Variants in RNF115 observed in about 807,000 individuals in gnomAD.
RNF115 encodes ring finger protein 115, also known as E3 ubiquitin-protein ligase RNF115.
A neutral mutation model predicts 39.2 loss-of-function variants in RNF115; 31 were observed. The ratio of observed to expected loss-of-function variants is 0.79; its 90% confidence interval spans 0.59 to 1.07. The LOEUF is 1.07. Among genes scored for constraint, RNF115 ranks in the 50% least tolerant of loss-of-function variants. The pLI, the probability that RNF115 is intolerant of heterozygous loss-of-function variation, is 0.00. For synonymous variants in RNF115, 124 were observed against 131.0 expected (o/e 0.95, Z 0.37); for missense variants, 384 against 381.7 (o/e 1.01, Z -0.05).
intron 4 of RNF115, among the ~76,000 whole-genome samples, chr1:145,756,152 A>G (rs1157273949): frequency 6.6e-6 from 1 of 152,068 alleles, no homozygotes; most frequent in Non-Finnish European, 1.5e-5. Flanking sequence ...TCAGACTATA[A>G]CACTTCTTTG....
At chr1:145,811,910 T>C (rs1268590901) in intron 1 of RNF115, among the ~76,000 whole-genome samples, 41 of 62,836 alleles carry the variant, frequency 6.5e-4, no homozygotes, top group East Asian at 2.4e-3. Context: ...AAAAAAAAAA[T>C]ATATATATAT....
chr1:145,763,515 T>C (rs587670116), intron 4 of RNF115, among the ~76,000 whole-genome samples: 1 of 152,252 alleles, frequency 6.6e-6, no homozygotes, highest in African/African-American at 2.4e-5. Context: ...CTGGCCAACA[T>C]GGCAAAACCC....
In RNF115 at chr1:145,752,939, A is replaced by C. The variant is rs368456265; in HGVS notation, c.500+39T>G. 2.4e-5 allele frequency: 33 copies of C among 1,382,190 alleles called. No individual in the cohort carries two copies. In the African/African-American group the frequency reaches 4.1e-4, roughly 17 times the overall value. 85.6% of individuals were successfully genotyped at this position (1,382,190 alleles called of 1,614,324 possible). ...GAAATGACAGCACCTAAAATATGTCACTCCAATAGAGTAAGATAGAAAACA... is the reference window on the plus strand; with the variant it reads ...GAAATGACAGCACCTAAAATATGTCCCTCCAATAGAGTAAGATAGAAAACA... On this transcript the variant is annotated intron_variant, in intron 5 of 8. Transcript: ENST00000582693.
At chr1:145,761,171 T>C (rs587682777) in intron 4 of RNF115, among the ~76,000 whole-genome samples, 1 of 152,308 alleles carries the variant, frequency 6.6e-6, no homozygotes, top group East Asian at 1.9e-4. Flanking sequence ...AAGCAGAGCA[T>C]AAAAATTTGG....
intron 8 of RNF115, 44 bp downstream of exon 8, chr1:145,747,951 A>T: frequency 8.0e-7 from 1 of 1,253,280 alleles, no homozygotes; most frequent in Non-Finnish European, 1.2e-6. Flanking sequence ...CTATACCTTT[A>T]CTCTGAATCA....
rs67086842 is a variant in RNF115 at position 145,811,883 on chromosome 1, C to CAAAA, written c.102+11885_102+11888dup. On this transcript the variant is annotated intron_variant, in intron 1 of 8. Coordinates refer to ENST00000582693, the MANE Select transcript of RNF115 (RefSeq NM_014455.4). ...CCTGGTTGACAGAGATTCTGTCTCA[C>CAAAA]AAAAAAAAAAAAAAAAAAAAAAAAA... 3.6e-3 allele frequency among the ~76,000 whole-genome samples: 129 copies of CAAAA among 35,868 alleles called. 2 individuals are homozygous for CAAAA. The highest frequency in any genetic ancestry group is 7.6e-3 in the African/African-American group (110 of 14,462). The allele number at this position is 35,868 out of a possible 152,430, so 23.5% of individuals were successfully genotyped here. A position where few individuals can be genotyped will look rare whatever the true frequency, so the allele number is the denominator to read the frequency against.
At position 145,741,063 on chromosome 1, in the gene RNF115, C is replaced by T. The variant is rs1183703095; in HGVS notation, c.*5803G>A. The T allele has an allele frequency of 2.0e-5, 3 of 152,170 alleles. No individual in the cohort carries two copies. The highest frequency in any genetic ancestry group is 4.4e-5 in the Non-Finnish European group (3 of 68,048). 9.4% of individuals were successfully genotyped at this position (152,170 alleles called of 1,614,324 possible). A position where few individuals can be genotyped will look rare whatever the true frequency, so the allele number is the denominator to read the frequency against. On this transcript the variant is annotated 3_prime_UTR_variant, in exon 9 of 9. Coordinates refer to ENST00000582693, the MANE Select transcript of RNF115 (RefSeq NM_014455.4). The stretch of plus-strand genomic sequence containing the variant: ...GTGCTGCCCAGGCTGGTCTCAAACT[C>T]CTGACCTCAAGTGATCTGCCTGCCT...
chr1:145,779,049 A>G (rs782806683), intron 3 of RNF115, among the ~76,000 whole-genome samples: 3 of 152,218 alleles, frequency 2.0e-5, no homozygotes, highest in Non-Finnish European at 4.4e-5. Flanking sequence ...ATGTTTTCTC[A>G]GTATGTTCTA....
intron 4 of RNF115, among the ~76,000 whole-genome samples, chr1:145,759,043 G>C (rs1304583577): frequency 6.6e-6 from 1 of 152,162 alleles, no homozygotes; most frequent in African/African-American, 2.4e-5. Context: ...CTAAAACCAG[G>C]TAAGAGTCTT....
rs79999481 is a variant in RNF115 at position 145,752,442 on chromosome 1, A to G, written c.500+536T>C. 1.6e-3 allele frequency among the ~76,000 whole-genome samples: 236 copies of G among 152,184 alleles called. 2 individuals are homozygous for G. Among genetic ancestry groups the G allele is most frequent in the African/African-American group, 5.3e-3 (218 of 41,512 alleles). On this transcript the variant is annotated intron_variant, in intron 5 of 8. Coordinates refer to ENST00000582693, the MANE Select transcript of RNF115 (RefSeq NM_014455.4). ...ATATAAAAGGAATCAAGACATTTCT[A>G]GCACCCAAACATCCTGGGGGACCAG... is the stretch of plus-strand genomic sequence containing the variant.
At chr1:145,796,149 C>A (rs1364941253) in intron 1 of RNF115, among the ~76,000 whole-genome samples, 2 of 152,136 alleles carry the variant, frequency 1.3e-5, no homozygotes, top group Non-Finnish European at 2.9e-5. Context: ...GACTTCATAT[C>A]ACTCCACTTA....
rs1553711030 is a variant in RNF115 at position 145,741,835 on chromosome 1, CGT to C, written c.*5029_*5030del. Reference sequence around the variant, plus strand: ...CTTAAAATCTGTCTTCTCACCTGGGCGTGGTGGCTAATGCCTGTAATCCCAGC... The same window carrying C: ...CTTAAAATCTGTCTTCTCACCTGGGCGGTGGCTAATGCCTGTAATCCCAGC... On this transcript the variant is annotated 3_prime_UTR_variant, in exon 9 of 9. Transcript: ENST00000582693. 1 of 152,282 alleles carries C rather than the reference CGT, an allele frequency of 6.6e-6. No individual in the cohort carries two copies. Among genetic ancestry groups the C allele is most frequent in the East Asian group, 1.9e-4 (1 of 5,206 alleles). The allele number at this position is 152,282 out of a possible 1,614,324, so 9.4% of individuals were successfully genotyped here. A position where few individuals can be genotyped will look rare whatever the true frequency, so the allele number is the denominator to read the frequency against.
chr1:145,790,204 G>A (rs1412017035), intron 1 of RNF115, among the ~76,000 whole-genome samples: 2 of 151,988 alleles, frequency 1.3e-5, no homozygotes, highest in Non-Finnish European at 2.9e-5. Flanking sequence ...GCAATGGTGC[G>A]ATCTTGGCTC....
intron 4 of RNF115, among the ~76,000 whole-genome samples, chr1:145,769,865 G>C (rs1158214679): frequency 6.6e-6 from 1 of 151,870 alleles, no homozygotes; most frequent in Admixed American, 6.6e-5. Context: ...AAATTAGCCA[G>C]GCGTGGTGGC....
chr1:145,781,514 C>T (rs1648145702), intron 3 of RNF115, among the ~76,000 whole-genome samples: 1 of 152,144 alleles, frequency 6.6e-6, no homozygotes, highest in African/African-American at 2.4e-5. Flanking sequence ...GGCTCCAGTG[C>T]AAGTTCTAAC....
At chr1:145,756,560 A>C (rs146886515) in intron 4 of RNF115, among the ~76,000 whole-genome samples, 216 of 152,214 alleles carry the variant, frequency 1.4e-3, no homozygotes, top group African/African-American at 5.0e-3. Flanking sequence ...GTGTTATGTT[A>C]GTTTCCTAGG....
chr1:145,811,445 T>A (rs1174962508), intron 1 of RNF115, among the ~76,000 whole-genome samples: 2 of 146,338 alleles, frequency 1.4e-5, no homozygotes, highest in Non-Finnish European at 3.0e-5. Context: ...TTGTTCACTG[T>A]ACTGGTTTGC....
At chr1:145,764,026 G>C (rs984624616) in intron 4 of RNF115, among the ~76,000 whole-genome samples, 11 of 151,916 alleles carry the variant, frequency 7.2e-5, no homozygotes, top group Non-Finnish European at 1.3e-4. Context: ...TGATTCTCCT[G>C]CCTCAGCCTG....
chr1:145,756,864 A>G (rs1431364756), intron 4 of RNF115, among the ~76,000 whole-genome samples: 3 of 119,562 alleles, frequency 2.5e-5, no homozygotes, highest in East Asian at 4.9e-4. Context: ...TTTGAGGCAG[A>G]GTCTCACTCT....
Sources: allele counts gnomAD v4.1 joint callset (sites outside exome capture counted in the v4.1 genomes callset), GRCh38; gene constraint gnomAD v4.1.1; transcripts MANE v1.5; gene names NCBI Gene and HGNC (gene_info 2026-07-23, HGNC 2026-07-21).